RGS11: variants seen among roughly 807,000 people sequenced by gnomAD.
The protein encoded by RGS11 is regulator of G protein signaling 11, also known as regulator of G-protein signaling 11.
RGS11 carries 86 observed loss-of-function variants against 71.1 expected under a neutral mutation model. The ratio of observed to expected loss-of-function variants is 1.21; its 90% CI spans 1.02 to 1.45. The LOEUF is 1.45. Among genes scored for constraint, RGS11 ranks in the 40% most tolerant of loss-of-function variants. The pLI is 0.00. For synonymous variants in RGS11, 298 were observed against 254.2 expected (o/e 1.17, Z -1.64); for missense variants, 734 against 635.1 (o/e 1.16, Z -1.67).
chr16:271,637 A>C, intron 9 of RGS11, 68 bp from the exon 10 acceptor site: 1 of 1,483,100 alleles, frequency 6.7e-7, no homozygotes, highest in Non-Finnish European at 9.4e-7. Flanking sequence ...CCCCAGCAGG[A>C]GGGCACCTCC....
Position 272,669 on chromosome 16 carries a change from G to A in RGS11, c.657+194C>T, listed in dbSNP as rs565348576. On this transcript the variant is annotated intron_variant, in intron 9 of 16. Transcript: ENST00000397770. ...TGCACCCAGGGCAGCAGGTGGGAGG[G>A]GAGAGAAAGCGAGAGTTAGCAGGGG... 253 of 1,463,972 alleles carry A rather than the reference G, an allele frequency of 1.7e-4. No homozygotes were observed. In the African/African-American group the frequency reaches 3.1e-3, roughly 18 times the overall value. 90.7% of individuals were successfully genotyped at this position (1,463,972 alleles called of 1,614,324 possible). A position where few individuals can be genotyped will look rare whatever the true frequency, so the allele number is the denominator to read the frequency against.
intron 1 of RGS11, 86 bp downstream of exon 1, chr16:275,763 G>GC (rs1447447476): frequency 5.9e-5 from 14 of 238,182 alleles, no homozygotes; most frequent in African/African-American, 2.4e-4. Flanking sequence ...CGCCCCGCGC[G>GC]CCCCCGTGTC....
intron 9 of RGS11, 130 bp from the exon 10 acceptor site, chr16:271,699 C>T (rs2051947966): frequency 1.2e-6 from 1 of 833,792 alleles, no homozygotes; most frequent in Non-Finnish European, 2.0e-6. Context: ...GCCCAGGCCC[C>T]CAGTCCCGCC....
At position 274,241 on chromosome 16, in the gene RGS11, G is replaced by C. The variant is rs772610123; in HGVS notation, c.343C>G (p.Leu115Val). The change falls in exon 5 of 17, where the codon CTG (leucine) becomes GTG (valine). Residue 115 changes from leucine (L) to valine (V), a missense_variant. Physicochemically the swap from Leu to Val is conservative, Grantham distance 32. Transcript: ENST00000397770. ...TAGTCCAGCTCTGCAGCCGGCCTCA[G>C]GGTACTTGTCCAGAAGTACGGGGTC... ...FQTPYFWTST[L>V]RPAAELDYAI... 6.2e-7 allele frequency: 1 copy of C among 1,611,298 alleles called. No homozygotes were observed. Among genetic ancestry groups the C allele is most frequent in the South Asian group, 1.1e-5 (1 of 90,532 alleles).
rs2051785939 is a variant in RGS11 at position 268,792 on chromosome 16, A to G, written c.*477T>C. 3 of 1,550,150 alleles carry G rather than the reference A, an allele frequency of 1.9e-6. No homozygotes were observed. The highest frequency in any genetic ancestry group is 2.6e-6 in the Non-Finnish European group (3 of 1,146,986). On this transcript the variant is annotated 3_prime_UTR_variant, in exon 17 of 17. Coordinates refer to ENST00000397770, the MANE Select transcript of RGS11 (RefSeq NM_183337.3). ...CTCTTCCAGGCTCACACTGGGCGAC[A>G]GCGGAGAGGCTCTTGGACGGGGCAG... is the stretch of plus-strand genomic sequence containing the variant.
chr16:273,881 C>G, intron 6 of RGS11, 45 bp from the exon 7 acceptor site: 1 of 1,569,342 alleles, frequency 6.4e-7, no homozygotes, highest in South Asian at 1.1e-5. Flanking sequence ...GCCCCTGCCC[C>G]CAGTGAGACT....
At chr16:275,586 GC>G in intron 1 of RGS11, 88 bp from the exon 2 acceptor site, 1 of 1,186,732 alleles carries the variant, frequency 8.4e-7, no homozygotes, top group Non-Finnish European at 1.2e-6. Context: ...ATCCGGGAGC[GC>G]GGAGATTAAC....
intron 4 of RGS11, 136 bp downstream of exon 4, chr16:274,840 A>C (rs751912159): frequency 1.1e-5 from 14 of 1,232,422 alleles, no homozygotes; most frequent in African/African-American, 3.0e-5. Context: ...GCGATGGACC[A>C]CCAGCCCACG....
rs951869583 is a variant in RGS11 at position 271,670 on chromosome 16, A to C, written c.658-101T>G. 4 of 1,151,688 alleles carry C rather than the reference A, an allele frequency of 3.5e-6. No individual in the cohort carries two copies. The Admixed American group carries it at 7.0e-5, about 20-fold the overall frequency. The allele number at this position is 1,151,688 out of a possible 1,614,324, so 71.3% of individuals were successfully genotyped here. On this transcript the variant is annotated intron_variant, in intron 9 of 16. Coordinates refer to ENST00000397770, the MANE Select transcript of RGS11 (RefSeq NM_183337.3). ...TCCCCAGGCTGAGCCCCTGCCCCAT[A>C]GATCTGGCAGAGATGGTGGCCCAGG...
Position 269,397 on chromosome 16 carries a change from G to T in RGS11, c.1290-14C>A. The T allele has an allele frequency of 6.3e-7, 1 of 1,596,782 alleles. No homozygotes were observed. Reference sequence around the variant, plus strand: ...AACGGGAACACGCTGTGGGCGAGAAGGCGGCTGAGAACAGGCTGGCCAGCT... The same window carrying T: ...AACGGGAACACGCTGTGGGCGAGAATGCGGCTGAGAACAGGCTGGCCAGCT... On this transcript the variant is annotated splice_polypyrimidine_tract_variant and intron_variant, in intron 16 of 16. Transcript: ENST00000397770.
At position 273,469 on chromosome 16, in the gene RGS11, G is replaced by A; in HGVS notation, c.588+6C>T. On this transcript the variant is annotated splice_donor_region_variant and intron_variant, in intron 8 of 16. Transcript: ENST00000397770. Reference sequence around the variant, plus strand: ...CGACCCCCACCCTCACCGCAGGTGGGCTCACCGGGGGCCTGTTCACCAGCC... The same window carrying A: ...CGACCCCCACCCTCACCGCAGGTGGACTCACCGGGGGCCTGTTCACCAGCC... 1.9e-6 allele frequency: 3 copies of A among 1,547,390 alleles called. No individual in the cohort carries two copies. The highest frequency in any genetic ancestry group is 1.7e-4 in the Middle Eastern group (1 of 5,964).
chr16:269,500 C>T lies in RGS11; in HGVS notation c.1289+3G>A. On this transcript the variant is annotated splice_donor_region_variant and intron_variant, in intron 16 of 16. Transcript: ENST00000397770. ...CCGGCCACAGGGCACTGCCTGGGCTCACCGTCTCTTCATCTCCAGCGGGAT... is the reference window on the plus strand; with the variant it reads ...CCGGCCACAGGGCACTGCCTGGGCTTACCGTCTCTTCATCTCCAGCGGGAT... 2 of 1,612,920 alleles carry T rather than the reference C, an allele frequency of 1.2e-6. No homozygotes were observed. Among genetic ancestry groups the T allele is most frequent in the East Asian group, 2.2e-5 (1 of 44,880 alleles).
intron 9 of RGS11, 63 bp downstream of exon 9, chr16:272,800 G>A (rs141327278): frequency 1.1e-4 from 174 of 1,535,966 alleles, no homozygotes; most frequent in East Asian, 1.5e-4. Context: ...CCCATGGTGC[G>A]TCCAGCAGGG....
chr16:270,163 G>A (rs188293388), intron 15 of RGS11, among the ~76,000 whole-genome samples: 32 of 152,270 alleles, frequency 2.1e-4, no homozygotes, highest in Admixed American at 4.6e-4. Context: ...GCAGGAGGAT[G>A]GCGTGAACCC....
chr16:273,376 C>T (rs1252482149), intron 8 of RGS11, 99 bp downstream of exon 8: 1 of 939,498 alleles, frequency 1.1e-6, no homozygotes, highest in African/African-American at 1.7e-5. Flanking sequence ...GCAGGTCCTT[C>T]CACAGGCTCA....
Position 269,053 on chromosome 16 carries a change from T to A in RGS11, c.*216A>T. On this transcript the variant is annotated 3_prime_UTR_variant, in exon 17 of 17. Coordinates refer to ENST00000397770, the MANE Select transcript of RGS11 (RefSeq NM_183337.3). ...AAGCTGAGCCAATGAACCCCCTCCC[T>A]GGGAATCCACACCTGGACCCATTCC... 1 of 1,100,372 alleles carries A rather than the reference T, an allele frequency of 9.1e-7. No homozygotes were observed. The highest frequency in any genetic ancestry group is 1.4e-6 in the Non-Finnish European group (1 of 737,224). 68.2% of individuals were successfully genotyped at this position (1,100,372 alleles called of 1,614,324 possible).
In RGS11 at chr16:269,395, A is replaced by C; in HGVS notation, c.1290-12T>G. 1 of 1,596,918 alleles carries C rather than the reference A, an allele frequency of 6.3e-7. No homozygotes were observed. Among genetic ancestry groups the C allele is most frequent in the Non-Finnish European group, 8.5e-7 (1 of 1,170,652 alleles). On this transcript the variant is annotated splice_polypyrimidine_tract_variant and intron_variant, in intron 16 of 16. Coordinates refer to ENST00000397770, the MANE Select transcript of RGS11 (RefSeq NM_183337.3). Reference sequence around the variant, plus strand: ...TAAACGGGAACACGCTGTGGGCGAGAAGGCGGCTGAGAACAGGCTGGCCAG... The same window carrying C: ...TAAACGGGAACACGCTGTGGGCGAGCAGGCGGCTGAGAACAGGCTGGCCAG...
chr16:273,451 C>T (rs370393401), intron 8 of RGS11, 24 bp downstream of exon 8: 118 of 1,535,692 alleles, frequency 7.7e-5, no homozygotes, highest in African/African-American at 1.9e-4. Context: ...CAGCGACCCC[C>T]ACCCTCACCG....
chr16:269,346 G>C lies in RGS11; in HGVS notation c.1327C>G (p.Pro443Ala). The change falls in exon 17 of 17, where the codon CCC becomes GCC. Residue 443 changes from proline to alanine, a missense_variant. Coordinates refer to ENST00000397770, the MANE Select transcript of RGS11 (RefSeq NM_183337.3). ...PFTWRPRHSS[P>A]SPALLPTPVE... ...GGGGTGGGAAGGAGTGCAGGGCTGG[G>C]GCTCGAGTGCCGTGGCCTCCACGTA... 1 of 1,603,726 alleles carries C rather than the reference G, an allele frequency of 6.2e-7. No individual in the cohort carries two copies.
Sources: allele counts gnomAD v4.1 joint callset (sites outside exome capture counted in the v4.1 genomes callset), GRCh38; gene constraint gnomAD v4.1.1; transcripts MANE v1.5; gene names NCBI Gene and HGNC (gene_info 2026-07-23, HGNC 2026-07-21).